The following PRKCA variants were observed in gnomAD, a reference collection of about 807,000 sequenced individuals.
The protein encoded by PRKCA is protein kinase C alpha type.
In PRKCA, 27 loss-of-function variants were observed where a neutral mutation model predicts 87.0. That is an observed-to-expected ratio of 0.31 (90% confidence interval 0.23 to 0.43). The LOEUF (loss-of-function observed/expected upper bound fraction) is 0.43. Ranked by LOEUF, PRKCA falls within the 20% of genes least tolerant of loss-of-function variation. PRKCA has a pLI of 1.00. For missense variants in PRKCA, 518 were observed against 852.3 expected, an observed-to-expected ratio of 0.61 and a Z score of 4.88; for synonymous variants, 329 against 311.1, an observed-to-expected ratio of 1.06 and a Z score of -0.61.
chr17:66,483,864 T>C (rs769010515), intron 2 of PRKCA, among the ~76,000 whole-genome samples: 12 of 152,134 alleles, frequency 7.9e-5, no homozygotes, highest in Admixed American at 6.6e-5. Flanking sequence ...CAGCCCTTTT[T>C]CCAAGTCAGA....
chr17:66,718,856 C>T (rs549195932), intron 8 of PRKCA, among the ~76,000 whole-genome samples: 276 of 152,338 alleles, frequency 1.8e-3, no homozygotes, highest in Middle Eastern at 6.8e-3. Flanking sequence ...CACATATACA[C>T]AGCCACATGT....
At chr17:66,347,045 A>AC (rs1390806491) in intron 2 of PRKCA, among the ~76,000 whole-genome samples, 26 of 151,030 alleles carry the variant, frequency 1.7e-4, no homozygotes, top group African/African-American at 6.3e-4. Flanking sequence ...AAAAAAAAAA[A>AC]TTATTGGGGA....
At chr17:66,686,823 G>A (rs894951099) in intron 5 of PRKCA, among the ~76,000 whole-genome samples, 2 of 152,140 alleles carry the variant, frequency 1.3e-5, no homozygotes, top group African/African-American at 4.8e-5. Flanking sequence ...TGGGACCTGG[G>A]TTTCTGCATT....
intron 1 of PRKCA, among the ~76,000 whole-genome samples, 189 bp from the exon 2 acceptor site, chr17:66,305,906 AT>A (rs1339129005): frequency 4.6e-5 from 7 of 152,076 alleles, no homozygotes; most frequent in Admixed American, 3.3e-4. Context: ...TATAGGCAAG[AT>A]TTTTTTCCCC....
intron 5 of PRKCA, among the ~76,000 whole-genome samples, chr17:66,683,115 AAG>A (rs1972533576): frequency 6.6e-6 from 1 of 152,228 alleles, no homozygotes; most frequent in African/African-American, 2.4e-5. Context: ...CTTTGTAGCT[AAG>A]AGACAGAAGA....
chr17:66,567,062 C>T lies in PRKCA; in HGVS notation c.288+70779C>T, dbSNP rs150335386. ...ACATTTTCCACTGCAAGTAAGAATG[C>T]GTCCTTTCCTTAATTTTAAAATATG... On this transcript the variant is annotated intron_variant, in intron 3 of 16. Transcript: ENST00000413366. Among the ~76,000 whole-genome samples the T allele has an allele frequency of 7.9e-5, 12 of 152,266 alleles. No individual in the cohort carries two copies. The East Asian group carries it at 1.5e-3, about 20-fold the overall frequency.
intron 2 of PRKCA, among the ~76,000 whole-genome samples, chr17:66,489,352 C>CACATAT (rs1916117957): frequency 1.0e-5 from 1 of 98,918 alleles, no homozygotes; most frequent in Non-Finnish European, 2.0e-5. Context: ...CTTAGCAGTG[C>CACATAT]ATATATATAT....
Position 66,566,479 on chromosome 17 carries a change from G to GTTTTTTTTTTTTT in PRKCA, c.288+70196_288+70197insTTTTTTTTTTTTT, listed in dbSNP as rs368602635. Among the ~76,000 whole-genome samples the GTTTTTTTTTTTTT allele has an allele frequency of 4.7e-4, 35 of 74,656 alleles. 2 individuals are homozygous for GTTTTTTTTTTTTT. Among genetic ancestry groups the GTTTTTTTTTTTTT allele is most frequent in the East Asian group, 8.0e-4 (2 of 2,492 alleles). 49.0% of individuals were successfully genotyped at this position (74,656 alleles called of 152,430 possible). A position where few individuals can be genotyped will look rare whatever the true frequency, so the allele number is the denominator to read the frequency against. ...TTGTGAAGAACTGTTGTTGTTTTTTGGTTTTTTTTTTTTTTTTTTTTTTGC... is the reference window on the plus strand; with the variant it reads ...TTGTGAAGAACTGTTGTTGTTTTTTGTTTTTTTTTTTTTGTTTTTTTTTTTTTTTTTTTTTTGC... On this transcript the variant is annotated intron_variant, in intron 3 of 16. Coordinates refer to ENST00000413366, the MANE Select transcript of PRKCA (RefSeq NM_002737.3).
chr17:66,380,776 G>A (rs1417879695), intron 2 of PRKCA, among the ~76,000 whole-genome samples: 3 of 152,090 alleles, frequency 2.0e-5, no homozygotes, highest in Non-Finnish European at 2.9e-5. Flanking sequence ...GTGTTTTGGT[G>A]TGTTACTTGT....
At chr17:66,609,261 A>G (rs1970287014) in intron 3 of PRKCA, among the ~76,000 whole-genome samples, 1 of 152,058 alleles carries the variant, frequency 6.6e-6, no homozygotes, top group Non-Finnish European at 1.5e-5. Context: ...ATTCCATTGG[A>G]CTTCAAGGTA....
At chr17:66,624,540 C>T (rs933270285) in intron 3 of PRKCA, among the ~76,000 whole-genome samples, 3 of 152,166 alleles carry the variant, frequency 2.0e-5, no homozygotes, top group African/African-American at 7.2e-5. Context: ...GTGGCTCACA[C>T]TTGTAATCCC....
At chr17:66,617,927 A>C (rs575418101) in intron 3 of PRKCA, among the ~76,000 whole-genome samples, 4 of 152,306 alleles carry the variant, frequency 2.6e-5, no homozygotes, top group African/African-American at 7.2e-5. Context: ...AGGTGCTAGA[A>C]ACACATTGTG....
chr17:66,709,223 G>T lies in PRKCA; in HGVS notation c.918+20176G>T, dbSNP rs188265638. ...CACCTCTCACTGCTTATGAAGTTGG[G>T]GGATTACCCCTATGAATCCTTGTAG... On this transcript the variant is annotated intron_variant, in intron 8 of 16. Coordinates refer to ENST00000413366, the MANE Select transcript of PRKCA (RefSeq NM_002737.3). Among the ~76,000 whole-genome samples, 207 of 151,800 alleles carry T rather than the reference G, an allele frequency of 1.4e-3. 1 individual carries two copies. Among genetic ancestry groups the T allele is most frequent in the Non-Finnish European group, 5.3e-4 (36 of 67,974 alleles).
chr17:66,789,616 A>G (rs1485420802), intron 16 of PRKCA, among the ~76,000 whole-genome samples: 1 of 152,246 alleles, frequency 6.6e-6, no homozygotes, highest in Non-Finnish European at 1.5e-5. Context: ...AATTCACTCA[A>G]TCATCCCAGC....
At chr17:66,313,925 A>G (rs1486185733) in intron 2 of PRKCA, among the ~76,000 whole-genome samples, 1 of 152,164 alleles carries the variant, frequency 6.6e-6, no homozygotes, top group Non-Finnish European at 1.5e-5. Flanking sequence ...CACTTTCAAG[A>G]TTTTATTCAA....
rs141488884 is a variant in PRKCA at position 66,525,215 on chromosome 17, A to G, written c.288+28932A>G. Among the ~76,000 whole-genome samples the G allele has an allele frequency of 1.8e-3, 267 of 152,262 alleles. 1 individual carries two copies. The highest frequency in any genetic ancestry group is 6.0e-3 in the African/African-American group (248 of 41,542). ...ACCACGTGGAGCAGAAATGAGTGTAAAACAAACCAGCACCATTGAGTTAGG... is the reference window on the plus strand; with the variant it reads ...ACCACGTGGAGCAGAAATGAGTGTAGAACAAACCAGCACCATTGAGTTAGG... On this transcript the variant is annotated intron_variant, in intron 3 of 16. Coordinates refer to ENST00000413366, the MANE Select transcript of PRKCA (RefSeq NM_002737.3).
At chr17:66,614,277 TCAAA>T (rs555880872) in intron 3 of PRKCA, among the ~76,000 whole-genome samples, 38 of 152,182 alleles carry the variant, frequency 2.5e-4, no homozygotes, top group South Asian at 4.1e-4. Context: ...ATGCTACCTA[TCAAA>T]CAAGATAACG....
At chr17:66,524,778 G>A (rs982329171) in intron 3 of PRKCA, among the ~76,000 whole-genome samples, 1 of 152,146 alleles carries the variant, frequency 6.6e-6, no homozygotes, top group Non-Finnish European at 1.5e-5. Context: ...GTGAGGAGGA[G>A]TCTGTGACAG....
chr17:66,560,626 A>G (rs532140873), intron 3 of PRKCA, among the ~76,000 whole-genome samples: 6 of 152,292 alleles, frequency 3.9e-5, no homozygotes, highest in African/African-American at 1.4e-4. Context: ...TGAATTGTTG[A>G]GTGACTCAAA....
Sources: allele counts gnomAD v4.1 joint callset (sites outside exome capture counted in the v4.1 genomes callset), GRCh38; gene constraint gnomAD v4.1.1; transcripts MANE v1.5; gene names NCBI Gene and HGNC (gene_info 2026-07-23, HGNC 2026-07-21).